The following ZNF75D variants were observed in gnomAD, a reference collection of about 807,000 sequenced individuals.
ZNF75D encodes the protein zinc finger protein 75.
Under a neutral mutation model 33.3 loss-of-function variants are expected in ZNF75D, and 33 were observed. That is an observed-to-expected ratio of 0.99 (90% CI 0.75 to 1.32). ZNF75D has a LOEUF of 1.32. Among genes scored for constraint, ZNF75D ranks in the 40% most tolerant of loss-of-function variants. The pLI is 0.00. For synonymous variants in ZNF75D, 113 were observed against 130.6 expected (o/e 0.87, Z 0.92); for missense variants, 338 against 367.5 (o/e 0.92, Z 0.66).
intron 1 of ZNF75D, among the ~76,000 whole-genome samples, chrX:135,312,400 T>G (rs782516632): frequency 8.9e-6 from 1 of 112,078 alleles, no homozygotes; most frequent in South Asian, 3.7e-4. Flanking sequence ...CATCCACTGA[T>G]GGACACCTAG....
chrX:135,315,811 T>C (rs1160767338), intron 1 of ZNF75D, among the ~76,000 whole-genome samples: 3 of 111,535 alleles, frequency 2.7e-5, no homozygotes, highest in Non-Finnish European at 5.7e-5. Flanking sequence ...CTTTCAGTCA[T>C]ACATGTCTAT....
intron 1 of ZNF75D, among the ~76,000 whole-genome samples, chrX:135,318,090 T>TAC (rs72224133): frequency 1.0e-5 from 1 of 98,431 alleles, no homozygotes; most frequent in South Asian, 4.8e-4. Context: ...TATATATATT[T>TAC]TTTTTTTTTT....
chrX:135,262,224 C>T (rs1472468844), intron 1 of ZNF75D, among the ~76,000 whole-genome samples: 2 of 112,048 alleles, frequency 1.8e-5, no homozygotes, highest in African/African-American at 6.5e-5. Context: ...CTGCCCTTAA[C>T]ACTTTTTCCT....
At chrX:135,265,144 G>C (rs987803052) in intron 1 of ZNF75D, among the ~76,000 whole-genome samples, 7 of 109,962 alleles carry the variant, frequency 6.4e-5, no homozygotes, top group Non-Finnish European at 1.1e-4. Context: ...GCTTGAACCC[G>C]GGAGGCAGAG....
rs1226394316 is a variant in ZNF75D at position 135,343,016 on chromosome X, A to ACTC, written c.-1642_-1640dup. ...CCGTGGAAACCAAAAGCAATAGCAC[A>ACTC]CTCTTCACTGCACTGGGGGGAAATC... On this transcript the variant is annotated 5_prime_UTR_variant, in exon 1 of 7. Coordinates refer to ENST00000370766, the MANE Select transcript of ZNF75D (RefSeq NM_007131.5). 10 of 111,190 alleles carry ACTC rather than the reference A, an allele frequency of 9.0e-5. No homozygotes were observed. Among genetic ancestry groups the ACTC allele is most frequent in the Middle Eastern group, 9.1e-3 (2 of 219 alleles). 9.2% of individuals were successfully genotyped at this position (111,190 alleles called of 1,213,427 possible).
At chrX:135,302,845 G>A (rs1394042789) in intron 1 of ZNF75D, among the ~76,000 whole-genome samples, 2 of 110,047 alleles carry the variant, frequency 1.8e-5, no homozygotes, top group Non-Finnish European at 3.8e-5. Context: ...AAGAAAAAAG[G>A]GGCCCAGGGG....
intron 1 of ZNF75D, among the ~76,000 whole-genome samples, chrX:135,325,639 C>G (rs2084557407): frequency 8.9e-6 from 1 of 112,656 alleles, no homozygotes; most frequent in Non-Finnish European, 1.9e-5. Flanking sequence ...CCAGCAGCGC[C>G]AGCCCACCGG....
In ZNF75D at chrX:135,275,670, T is replaced by C. The variant is rs536170673; in HGVS notation, n.828-19893A>G. ...ATATATTTTACATATGTATATATAATATATTTATTAGTTTCTAGTGGAAGG... is the reference window on the plus strand; with the variant it reads ...ATATATTTTACATATGTATATATAACATATTTATTAGTTTCTAGTGGAAGG... On this transcript the variant is annotated intron_variant and non_coding_transcript_variant, in intron 1 of 3. Transcript: ENST00000494295. Among the ~76,000 whole-genome samples, 9 of 110,434 alleles carry C rather than the reference T, an allele frequency of 8.1e-5. No homozygotes were observed. The South Asian group carries it at 3.3e-3, about 41-fold the overall frequency.
intron 1 of ZNF75D, among the ~76,000 whole-genome samples, chrX:135,305,080 C>T (rs1425730039): frequency 1.8e-5 from 2 of 111,855 alleles, no homozygotes; most frequent in African/African-American, 6.5e-5. Context: ...ACTTTTCATC[C>T]TACCCTTGGG....
intron 1 of ZNF75D, among the ~76,000 whole-genome samples, chrX:135,279,396 G>C (rs2083911684): frequency 1.8e-5 from 2 of 111,061 alleles, no homozygotes; most frequent in Non-Finnish European, 3.8e-5. Flanking sequence ...TATCAGTCTG[G>C]CTAGCAGTCT....
chrX:135,260,218 G>A (rs1404432230), intron 1 of ZNF75D, among the ~76,000 whole-genome samples: 4 of 111,950 alleles, frequency 3.6e-5, no homozygotes, highest in Non-Finnish European at 5.6e-5. Context: ...GAGGATTTTC[G>A]CATAGATGTT....
chrX:135,317,042 G>A (rs1300932551), intron 1 of ZNF75D, among the ~76,000 whole-genome samples: 1 of 110,668 alleles, frequency 9.0e-6, no homozygotes, highest in Admixed American at 9.6e-5. Context: ...GCTTTTTCGT[G>A]TTTCCTGCGT....
chrX:135,294,649 C>T (rs189835908), intron 2 of ZNF75D, among the ~76,000 whole-genome samples: 143 of 110,927 alleles, frequency 1.3e-3, no homozygotes, highest in African/African-American at 4.2e-3. Context: ...TTGAGTTTCT[C>T]GAAACTTTAA....
At chrX:135,280,494 G>A (rs2083916222) in intron 1 of ZNF75D, among the ~76,000 whole-genome samples, 1 of 111,687 alleles carries the variant, frequency 9.0e-6, no homozygotes. Flanking sequence ...TACATTTAAG[G>A]TTAATATTTT....
intron 1 of ZNF75D, among the ~76,000 whole-genome samples, chrX:135,271,580 G>A (rs1268139517): frequency 8.9e-6 from 1 of 112,120 alleles, no homozygotes; most frequent in African/African-American, 3.2e-5. Flanking sequence ...AAAGATGAAT[G>A]CTGGATATAA....
chrX:135,291,243 A>G lies in ZNF75D; in HGVS notation c.697-108T>C. ...CAGGTGCTGAAGATGTGAACAGTAC[A>G]AGATTTAGGGGAAAAAAGTGAGAAG... is the stretch of plus-strand genomic sequence containing the variant. On this transcript the variant is annotated intron_variant, in intron 5 of 6. Transcript: ENST00000370766. The G allele has an allele frequency of 2.0e-6, 2 of 995,674 alleles. 1 individual carries two copies. The allele number at this position is 995,674 out of a possible 1,213,427, so 82.1% of individuals were successfully genotyped here.
chrX:135,332,356 A>G (rs1316354353), intron 1 of ZNF75D, among the ~76,000 whole-genome samples: 2 of 111,002 alleles, frequency 1.8e-5, no homozygotes, highest in Non-Finnish European at 3.8e-5. Flanking sequence ...TTGAAATCCT[A>G]AGGTGATAGT....
rs782123078 is a variant in ZNF75D at position 135,291,106 on chromosome X, C to T, written c.726G>A (p.Val242=). Residue 242 remains valine, a synonymous_variant, in exon 6 of 7, where the codon GTG becomes GTA. Coordinates refer to ENST00000370766, the MANE Select transcript of ZNF75D (RefSeq NM_007131.5). ...ATTGCCACTCTTCCTCAGAAAAATA[C>T]ACAGCCACATCTTCAAATGTCAACA... ...LSLLTFEDVA[V]YFSEEEWQLL... is the part of the protein sequence containing the mutation. The T allele has an allele frequency of 2.5e-6, 3 of 1,210,248 alleles. No individual in the cohort carries two copies. The highest frequency in any genetic ancestry group is 3.4e-6 in the Non-Finnish European group (3 of 894,931).
intron 1 of ZNF75D, among the ~76,000 whole-genome samples, chrX:135,310,873 AGAG>A (rs1297704803): frequency 9.9e-5 from 11 of 111,047 alleles, no homozygotes; most frequent in African/African-American, 3.6e-4. Context: ...GCCTCTCCTC[AGAG>A]GATGCAACTG....
Sources: allele counts gnomAD v4.1 joint callset (sites outside exome capture counted in the v4.1 genomes callset), GRCh38; gene constraint gnomAD v4.1.1; transcripts MANE v1.5; gene names NCBI Gene and HGNC (gene_info 2026-07-23, HGNC 2026-07-21).